The following TASP1 variants were observed in gnomAD, a reference collection of about 807,000 sequenced individuals.
TASP1 encodes taspase 1.
TASP1 carries 16 observed loss-of-function variants against 56.6 expected under a neutral mutation model. The observed-to-expected ratio is 0.28, with a 90% confidence interval of 0.19 to 0.43. TASP1 has a LOEUF of 0.43. TASP1 is among the 20% of genes least tolerant of loss of function. The pLI, the probability that TASP1 is intolerant of heterozygous loss-of-function variation, is 1.00. For missense variants in TASP1, 393 were observed against 511.6 expected (o/e 0.77, Z 2.24); for synonymous variants, 179 against 184.2 (o/e 0.97, Z 0.23).
At chr20:13,149,652 G>A in the TASP1 span, among the ~76,000 whole-genome samples, 3 of 152,208 alleles carry the variant, frequency 2.0e-5, no homozygotes, top group African/African-American at 7.2e-5. Context: ...GTGCTAAATG[G>A]TTTAAAGATA....
chr20:13,214,347 G>A, the TASP1 span, among the ~76,000 whole-genome samples: 3 of 152,156 alleles, frequency 2.0e-5, no homozygotes, highest in African/African-American at 7.2e-5. Flanking sequence ...GGTTTCAGCT[G>A]TGTTCTCTTA....
At chr20:13,356,812 A>G in the TASP1 span, among the ~76,000 whole-genome samples, 1 of 152,220 alleles carries the variant, frequency 6.6e-6, no homozygotes, top group African/African-American at 2.4e-5. Flanking sequence ...AATACCACCA[A>G]GAGTCTGTCA....
At chr20:13,145,061 C>T in the TASP1 span, among the ~76,000 whole-genome samples, 1 of 151,988 alleles carries the variant, frequency 6.6e-6, no homozygotes, top group African/African-American at 2.4e-5. Flanking sequence ...AGGTGTGAGC[C>T]ACCGCACCTG....
the TASP1 span, among the ~76,000 whole-genome samples, chr20:13,109,745 G>A: frequency 4.6e-5 from 7 of 152,314 alleles, no homozygotes; most frequent in South Asian, 1.4e-3. Context: ...TTGATGAGTG[G>A]TATTAATTAT....
the TASP1 span, among the ~76,000 whole-genome samples, chr20:13,116,967 G>A: frequency 6.6e-6 from 1 of 152,180 alleles, no homozygotes; most frequent in Non-Finnish European, 1.5e-5. Flanking sequence ...CTTGAAGTGG[G>A]TATTGAACAA....
chr20:13,539,836 G>A (rs929299588), intron 8 of TASP1, among the ~76,000 whole-genome samples: 3 of 152,124 alleles, frequency 2.0e-5, no homozygotes, highest in African/African-American at 7.2e-5. Flanking sequence ...AAAGGCAACA[G>A]TTTTCATCTT....
chr20:13,133,589 C>G, the TASP1 span, among the ~76,000 whole-genome samples: 2 of 152,060 alleles, frequency 1.3e-5, no homozygotes, highest in Non-Finnish European at 2.9e-5. Context: ...CAAAAATTAG[C>G]TGGGCATGGT....
intron 12 of TASP1, among the ~76,000 whole-genome samples, chr20:13,433,935 C>A (rs1429277360): frequency 6.6e-6 from 1 of 151,760 alleles, no homozygotes; most frequent in Non-Finnish European, 1.5e-5. Flanking sequence ...GTACAAACTC[C>A]TACTGCATGT....
chr20:13,393,699 G>A (rs779747227), intron 13 of TASP1: 24 of 1,159,060 alleles, frequency 2.1e-5, no homozygotes, highest in African/African-American at 1.1e-4. Flanking sequence ...CAGCCCCAGC[G>A]ACAGCATGAA....
chr20:13,148,093 T>A, the TASP1 span, among the ~76,000 whole-genome samples: 1 of 152,214 alleles, frequency 6.6e-6, no homozygotes, highest in Non-Finnish European at 1.5e-5. Context: ...GACAGGTCAT[T>A]CTGGTAGTTT....
chr20:13,199,062 T>C, the TASP1 span, among the ~76,000 whole-genome samples: 10 of 144,714 alleles, frequency 6.9e-5, no homozygotes, highest in East Asian at 2.0e-3. Flanking sequence ...TGTGCCACCA[T>C]ACCTGGCTAA....
rs547062442 is a variant in TASP1, at chr20:13,602,151, T to C, written c.283-14781A>G. Among the ~76,000 whole-genome samples, 6 of 151,828 alleles carry C rather than the reference T, an allele frequency of 4.0e-5. No individual in the cohort carries two copies. In the South Asian group the frequency reaches 1.2e-3, roughly 32 times the overall value. ...TCCTCAGTCTCCCAAAGTGCTGGGA[T>C]TACAGGCGTGAGCCACCGCACCCGG... On this transcript the variant is annotated intron_variant, in intron 4 of 13. Transcript: ENST00000337743.
At chr20:13,479,361 T>C (rs967763579) in intron 11 of TASP1, among the ~76,000 whole-genome samples, 2 of 152,176 alleles carry the variant, frequency 1.3e-5, no homozygotes, top group Non-Finnish European at 2.9e-5. Context: ...CCTCCATCAT[T>C]GGCTGAAAGG....
chr20:13,113,429 T>C, the TASP1 span, among the ~76,000 whole-genome samples: 3 of 152,088 alleles, frequency 2.0e-5, no homozygotes, highest in Non-Finnish European at 4.4e-5. Context: ...CATCAATTTT[T>C]TCATAACCCC....
chr20:13,376,805 G>A, the TASP1 span, among the ~76,000 whole-genome samples: 4 of 152,136 alleles, frequency 2.6e-5, no homozygotes, highest in South Asian at 8.3e-4. Context: ...ACCCTTGTAA[G>A]TTGTATTTCT....
chr20:13,487,335 G>A (rs961804870), intron 10 of TASP1, among the ~76,000 whole-genome samples: 1 of 152,142 alleles, frequency 6.6e-6, no homozygotes, highest in Non-Finnish European at 1.5e-5. Context: ...ACAGTGTCAG[G>A]CCCCTGCCTG....
chr20:13,384,777 T>A (rs2041152198), downstream of TASP1, among the ~76,000 whole-genome samples: 1 of 152,234 alleles, frequency 6.6e-6, no homozygotes, highest in East Asian at 1.9e-4. Context: ...AGAATACAAC[T>A]AAATGAAAAC....
chr20:13,212,572 C>T, the TASP1 span, among the ~76,000 whole-genome samples: 1 of 152,062 alleles, frequency 6.6e-6, no homozygotes, highest in African/African-American at 2.4e-5. Context: ...CCAAAACATC[C>T]CTTTAAAGTT....
At chr20:13,273,454 T>A in the TASP1 span, among the ~76,000 whole-genome samples, 1 of 152,056 alleles carries the variant, frequency 6.6e-6, no homozygotes, top group Non-Finnish European at 1.5e-5. Context: ...CAGGCTGGTC[T>A]CAAACTCCTG....
Sources: gnomAD v4.1 joint callset for allele counts (sites outside exome capture counted in the v4.1 genomes callset) on GRCh38, gnomAD v4.1.1 for gene constraint, MANE v1.5 for transcripts, NCBI Gene and HGNC (gene_info 2026-07-23, HGNC 2026-07-21) for gene names.